RHOBTB3: variants seen among roughly 807,000 people sequenced by gnomAD.
The protein encoded by RHOBTB3 is rho-related BTB domain-containing protein 3.
RHOBTB3 carries 47 observed loss-of-function variants against 67.2 expected under a neutral mutation model. The observed-to-expected ratio is 0.70, with a 90% CI of 0.55 to 0.89. The LOEUF is 0.89. RHOBTB3 is among the 40% of genes least tolerant of loss of function. The pLI, the probability that RHOBTB3 is intolerant of heterozygous loss-of-function variation, is 0.00. For missense variants in RHOBTB3, 631 were observed against 750.0 expected (o/e 0.84, Z 1.85); for synonymous variants, 273 against 274.2 (o/e 1.00, Z 0.04).
At chr5:95,739,068 A>G (rs534879596) in intron 3 of RHOBTB3, among the ~76,000 whole-genome samples, 8 of 152,196 alleles carry the variant, frequency 5.3e-5, no homozygotes, top group African/African-American at 1.7e-4. Flanking sequence ...TCTCCTATAT[A>G]AACACCGATA....
At chr5:95,788,950 A>T (rs1257520839) in intron 11 of RHOBTB3, 92 bp downstream of exon 11, 3 of 742,534 alleles carry the variant, frequency 4.0e-6, no homozygotes, top group Non-Finnish European at 6.5e-6. Context: ...CTTTTAGCAA[A>T]ATAAGAATAG....
At chr5:95,743,710 C>G (rs1440626868) in intron 3 of RHOBTB3, among the ~76,000 whole-genome samples, 3 of 114,552 alleles carry the variant, frequency 2.6e-5, no homozygotes, top group Non-Finnish European at 5.4e-5. Context: ...TCTCCTCCCC[C>G]CCATTTTTTT....
At chr5:95,743,495 C>A (rs2112785084) in intron 3 of RHOBTB3, among the ~76,000 whole-genome samples, 1 of 152,164 alleles carries the variant, frequency 6.6e-6, no homozygotes, top group East Asian at 1.9e-4. Flanking sequence ...GTACTCAGAG[C>A]TTCAGGAGGC....
rs750727362 is a variant in RHOBTB3, at chr5:95,764,261, A to G, written c.1161+641A>G. 3.3e-5 allele frequency among the ~76,000 whole-genome samples: 5 copies of G among 152,348 alleles called. 1 individual carries two copies. Among genetic ancestry groups the G allele is most frequent in the Admixed American group, 3.3e-4 (5 of 15,304 alleles). ...GAATAAAAGGCTGTTTAATTTGTCC[A>G]GGTACAGTTAAGGTTATTAGAGAGG... On this transcript the variant is annotated intron_variant, in intron 7 of 11. Coordinates refer to ENST00000379982, the MANE Select transcript of RHOBTB3 (RefSeq NM_014899.4).
intron 1 of RHOBTB3, among the ~76,000 whole-genome samples, chr5:95,722,342 C>T (rs757927801): frequency 9.9e-5 from 15 of 152,152 alleles, no homozygotes; most frequent in Non-Finnish European, 1.6e-4. Flanking sequence ...TATTATACCA[C>T]TTAACTCTAA....
chr5:95,753,337 A>G (rs537158549), intron 5 of RHOBTB3, among the ~76,000 whole-genome samples: 1 of 152,016 alleles, frequency 6.6e-6, no homozygotes, highest in Non-Finnish European at 1.5e-5. Context: ...TGAGGGATAT[A>G]TGTGAAGGGT....
chr5:95,744,640 T>C (rs1561442248), intron 3 of RHOBTB3, among the ~76,000 whole-genome samples: 1 of 152,204 alleles, frequency 6.6e-6, no homozygotes, highest in East Asian at 1.9e-4. Flanking sequence ...AAGCTAAATC[T>C]GGCTATTCAA....
chr5:95,789,906 A>T (rs1220250008), intron 11 of RHOBTB3, among the ~76,000 whole-genome samples: 1 of 152,242 alleles, frequency 6.6e-6, no homozygotes, highest in Non-Finnish European at 1.5e-5. Context: ...AATCCCAGCC[A>T]ACTTGGGAGG....
At chr5:95,737,119 A>T in intron 3 of RHOBTB3, 44 bp downstream of exon 3, 1 of 1,256,064 alleles carries the variant, frequency 8.0e-7, no homozygotes, top group East Asian at 2.4e-5. Context: ...TGCAAATATT[A>T]TATATACTTT....
intron 3 of RHOBTB3, among the ~76,000 whole-genome samples, chr5:95,745,371 T>A (rs1363190781): frequency 6.6e-6 from 1 of 152,210 alleles, no homozygotes; most frequent in Non-Finnish European, 1.5e-5. Context: ...AATTTTCGGC[T>A]TATACTAAAT....
chr5:95,760,040 T>C (rs192704840), intron 6 of RHOBTB3, among the ~76,000 whole-genome samples: 2 of 152,310 alleles, frequency 1.3e-5, no homozygotes, highest in Admixed American at 1.3e-4. Flanking sequence ...AAATTTGGTG[T>C]GTGTTATGTC....
intron 3 of RHOBTB3, among the ~76,000 whole-genome samples, chr5:95,742,996 G>A (rs1369639590): frequency 6.6e-6 from 1 of 152,170 alleles, no homozygotes; most frequent in East Asian, 1.9e-4. Flanking sequence ...GCGTGAACCT[G>A]GGAGGCGGAG....
At chr5:95,759,643 C>G (rs1022654856) in intron 6 of RHOBTB3, among the ~76,000 whole-genome samples, 20 of 152,148 alleles carry the variant, frequency 1.3e-4, no homozygotes, top group Non-Finnish European at 1.2e-4. Context: ...TTTAAACCTA[C>G]GTTTTTCTCA....
intron 7 of RHOBTB3, among the ~76,000 whole-genome samples, chr5:95,767,105 G>A (rs1205874742): frequency 6.6e-6 from 1 of 152,062 alleles, no homozygotes; most frequent in Admixed American, 6.5e-5. Context: ...CAGCTTCTCG[G>A]GAGGCTGAGG....
At chr5:95,789,046 C>T (rs2112840722) in intron 11 of RHOBTB3, 188 bp downstream of exon 11, 6 of 491,620 alleles carry the variant, frequency 1.2e-5, no homozygotes, top group Non-Finnish European at 2.1e-5. Context: ...AGTGCCTTAA[C>T]CTGTGTTACA....
chr5:95,742,815 G>T (rs1446685795), intron 3 of RHOBTB3, among the ~76,000 whole-genome samples: 2 of 152,244 alleles, frequency 1.3e-5, no homozygotes, highest in African/African-American at 4.8e-5. Context: ...GCTCATGCCT[G>T]TAATCCCAGC....
upstream of RHOBTB3, among the ~76,000 whole-genome samples, chr5:95,726,729 CTG>C (rs1195640322): frequency 6.6e-6 from 1 of 152,196 alleles, no homozygotes; most frequent in African/African-American, 2.4e-5. Context: ...TTGGTTCCTG[CTG>C]TAACAGTAGT....
At chr5:95,789,585 A>G (rs952217328) in intron 11 of RHOBTB3, 1 of 152,228 alleles carries the variant, frequency 6.6e-6, no homozygotes, top group Non-Finnish European at 1.5e-5. Flanking sequence ...GAAGTGAAAG[A>G]TTACCTGATC....
At chr5:95,739,112 C>T (rs1335058501) in intron 3 of RHOBTB3, among the ~76,000 whole-genome samples, 3 of 152,198 alleles carry the variant, frequency 2.0e-5, no homozygotes, top group African/African-American at 4.8e-5. Context: ...TTTAGTCTTG[C>T]TCCTGGCACA....
Sources: gnomAD v4.1 joint callset for allele counts (sites outside exome capture counted in the v4.1 genomes callset) on GRCh38, gnomAD v4.1.1 for gene constraint, MANE v1.5 for transcripts, NCBI Gene and HGNC (gene_info 2026-07-23, HGNC 2026-07-21) for gene names.